Variants in GSX1 observed in about 807,000 individuals in gnomAD.
GSX1 encodes GS homeobox 1.
Under a neutral mutation model 17.7 loss-of-function variants are expected in GSX1, and 13 were observed. That is an observed-to-expected ratio of 0.74 (90% CI 0.48 to 1.17). GSX1 has a LOEUF of 1.17. Among genes scored for constraint, GSX1 ranks in the 50% most tolerant of loss-of-function variants. The pLI, the probability that GSX1 is intolerant of heterozygous loss-of-function variation, is 0.00. For synonymous variants in GSX1, 202 were observed against 176.2 expected (o/e 1.15, Z -1.16); for missense variants, 371 against 372.1 (o/e 1.00, Z 0.02).
chr13:27,793,509 G>T lies in GSX1; in HGVS notation c.413-57G>T. 2.0e-6 allele frequency: 3 copies of T among 1,533,674 alleles called. No individual in the cohort carries two copies. Among genetic ancestry groups the T allele is most frequent in the Non-Finnish European group, 2.6e-6 (3 of 1,142,060 alleles). ...GGATTCTGGCGACCGCCTACCAAGG[G>T]ATTGGGTCCACAGCACAGAGGTCTG... On this transcript the variant is annotated intron_variant, in intron 1 of 1. Coordinates refer to ENST00000302945, the MANE Select transcript of GSX1 (RefSeq NM_145657.3). This position sits in a 1 kb window ranked among gnomAD's most constrained non-coding sequence, Gnocchi z 6.2.
rs781634632 is a variant in GSX1, at chr13:27,792,750, G to T, written c.60G>T (p.Ala20=). ...LVLREAGEKK[A]PEGSPPPLFP... is the part of the protein sequence containing the mutation. ...TGCGCGAGGCGGGCGAGAAGAAGGC[G>T]CCCGAGGGCAGCCCGCCGCCGCTCT... is the stretch of plus-strand genomic sequence containing the variant. Residue 20 remains alanine, a synonymous_variant, in exon 1 of 2, where the codon GCG becomes GCT. Coordinates refer to ENST00000302945, the MANE Select transcript of GSX1 (RefSeq NM_145657.3). 7.4e-6 allele frequency: 11 copies of T among 1,484,050 alleles called. No individual in the cohort carries two copies. Among genetic ancestry groups the T allele is most frequent in the Non-Finnish European group, 8.9e-6 (10 of 1,125,882 alleles). 91.9% of individuals were successfully genotyped at this position (1,484,050 alleles called of 1,614,324 possible).
chr13:27,792,735 G>C lies in GSX1; in HGVS notation c.45G>C (p.Ala15=). The change falls in exon 1 of 2, where the codon GCG becomes GCC. Residue 15 remains alanine (A), a synonymous_variant. Coordinates refer to ENST00000302945, the MANE Select transcript of GSX1 (RefSeq NM_145657.3). ...FLVDSLVLRE[A]GEKKAPEGSP... is the part of the protein sequence containing the mutation. ...TGGACTCGCTAGTGCTGCGCGAGGC[G>C]GGCGAGAAGAAGGCGCCCGAGGGCA... The C allele has an allele frequency of 3.4e-6, 5 of 1,479,388 alleles. No individual in the cohort carries two copies. The highest frequency in any genetic ancestry group is 4.4e-6 in the Non-Finnish European group (5 of 1,124,092). The allele number at this position is 1,479,388 out of a possible 1,614,324, so 91.6% of individuals were successfully genotyped here.
Position 27,792,830 on chromosome 13 carries a change from G to A in GSX1, c.140G>A (p.Cys47Tyr). Residue 47 changes from cysteine to tyrosine, a missense_variant, in exon 1 of 2, where the codon TGC becomes TAC. This residue lies in a region of GSX1 where 212 missense variants were observed against 193.9 expected (regional missense o/e 1.09). Transcript: ENST00000302945. ...HALHGLSPGA[C>Y]HARKAGLLCV... ...CTGCACGGTCTCTCGCCTGGCGCCT[G>A]CCACGCGCGCAAGGCTGGGCTGCTG... is the stretch of plus-strand genomic sequence containing the variant. 1 of 1,507,926 alleles carries A rather than the reference G, an allele frequency of 6.6e-7. No homozygotes were observed. The highest frequency in any genetic ancestry group is 2.1e-5 in the Admixed American group (1 of 48,128). The allele number at this position is 1,507,926 out of a possible 1,614,324, so 93.4% of individuals were successfully genotyped here. A position where few individuals can be genotyped will look rare whatever the true frequency, so the allele number is the denominator to read the frequency against.
Position 27,792,592 on chromosome 13 carries a change from A to C in GSX1, c.-99A>C, listed in dbSNP as rs1957072462. The C allele has an allele frequency of 2.9e-6, 3 of 1,030,114 alleles. No homozygotes were observed. Among genetic ancestry groups the C allele is most frequent in the Non-Finnish European group, 3.9e-6 (3 of 775,236 alleles). The allele number at this position is 1,030,114 out of a possible 1,614,324, so 63.8% of individuals were successfully genotyped here. A position where few individuals can be genotyped will look rare whatever the true frequency, so the allele number is the denominator to read the frequency against. On this transcript the variant is annotated 5_prime_UTR_variant, in exon 1 of 2. Transcript: ENST00000302945. ...CGCGTTCAGCCTCCTGGGCAGAGGC[A>C]GCTGCGGGATACCGCGGCCAGGGAA...
rs1431405222 is a variant in GSX1 at position 27,793,029 on chromosome 13, T to C, written c.339T>C (p.Ala113=). 3 of 1,584,546 alleles carry C rather than the reference T, an allele frequency of 1.9e-6. No homozygotes were observed. Among genetic ancestry groups the C allele is most frequent in the Non-Finnish European group, 2.6e-6 (3 of 1,173,030 alleles). The part of the protein sequence containing the change: ...SPGVAHGPAA[A]AAAAALYQTS... ...GGGTCGCTCACGGCCCGGCCGCCGCTGCTGCTGCCGCCGCGCTCTACCAGA... is the reference window on the plus strand; with the variant it reads ...GGGTCGCTCACGGCCCGGCCGCCGCCGCTGCTGCCGCCGCGCTCTACCAGA... The change falls in exon 1 of 2, where the codon GCT becomes GCC. Residue 113 remains alanine, a synonymous_variant. Transcript: ENST00000302945. This position sits in a 1 kb window ranked among gnomAD's most constrained non-coding sequence, Gnocchi z 6.2.
Position 27,794,384 on chromosome 13 carries a change from T to C in GSX1, c.*436T>C, listed in dbSNP as rs1957087239. 6.2e-6 allele frequency: 1 copy of C among 161,846 alleles called. No homozygotes were observed. The allele number at this position is 161,846 out of a possible 1,614,324, so 10.0% of individuals were successfully genotyped here. A position where few individuals can be genotyped will look rare whatever the true frequency, so the allele number is the denominator to read the frequency against. On this transcript the variant is annotated 3_prime_UTR_variant, in exon 2 of 2. Coordinates refer to ENST00000302945, the MANE Select transcript of GSX1 (RefSeq NM_145657.3). ...TGCTCGTTCGCTTCTCTTTTTAAAA[T>C]GTCTTTTTGTCCCTCCCCACCTCTT...
Position 27,792,613 on chromosome 13 carries a change from G to A in GSX1, c.-78G>A. ...AGGCAGCTGCGGGATACCGCGGCCAGGGAAAGCGCGTGGAGAGCCGAAAGG... is the reference window on the plus strand; with the variant it reads ...AGGCAGCTGCGGGATACCGCGGCCAAGGAAAGCGCGTGGAGAGCCGAAAGG... On this transcript the variant is annotated 5_prime_UTR_variant, in exon 1 of 2. Coordinates refer to ENST00000302945, the MANE Select transcript of GSX1 (RefSeq NM_145657.3). The A allele has an allele frequency of 8.1e-7, 1 of 1,227,160 alleles. No individual in the cohort carries two copies. The highest frequency in any genetic ancestry group is 3.0e-4 in the Middle Eastern group (1 of 3,338). 76.0% of individuals were successfully genotyped at this position (1,227,160 alleles called of 1,614,324 possible).
Position 27,794,096 on chromosome 13 carries a change from C to A in GSX1, c.*148C>A. On this transcript the variant is annotated 3_prime_UTR_variant, in exon 2 of 2. Coordinates refer to ENST00000302945, the MANE Select transcript of GSX1 (RefSeq NM_145657.3). ...GCTTTGCAGAGGTCCCGGGCCTGGGCAGGGCTGAGAGCTTGGCAGAGACTG... is the reference window on the plus strand; with the variant it reads ...GCTTTGCAGAGGTCCCGGGCCTGGGAAGGGCTGAGAGCTTGGCAGAGACTG... 1.1e-6 allele frequency: 1 copy of A among 888,346 alleles called. No homozygotes were observed. Among genetic ancestry groups the A allele is most frequent in the Non-Finnish European group, 1.7e-6 (1 of 602,556 alleles). The allele number at this position is 888,346 out of a possible 1,614,324, so 55.0% of individuals were successfully genotyped here. A position where few individuals can be genotyped will look rare whatever the true frequency, so the allele number is the denominator to read the frequency against.
Position 27,793,947 on chromosome 13 carries a change from A to T in GSX1, c.794A>T (p.Ter265LeuextTer52), listed in dbSNP as rs896422812. Residue 265 changes from the stop codon to leucine, a stop_lost, in exon 2 of 2, where the codon TAG becomes TTG. Coordinates refer to ENST00000302945, the MANE Select transcript of GSX1 (RefSeq NM_145657.3). This position sits in a 1 kb window ranked among gnomAD's most constrained non-coding sequence, Gnocchi z 6.2. ...GACCGGGATCTTACGGTCACTCCCT[A>T]GGCGCGTGTCTCCCTAGGTCGCCCA... ...KDDRDLTVTP[*>L] 1.3e-6 allele frequency: 2 copies of T among 1,547,066 alleles called. No homozygotes were observed. The highest frequency in any genetic ancestry group is 1.7e-6 in the Non-Finnish European group (2 of 1,145,244).
chr13:27,792,897 G>GC lies in GSX1; in HGVS notation c.213dup (p.Gly72ArgfsTer57). The stretch of plus-strand genomic sequence containing the variant: ...GCGTCACCGCCTCGCAGCTGCATGG[G>GC]CCCCCCGGGCCGCCCGCGCTGCCTC... On this transcript the variant is annotated frameshift_variant, in exon 1 of 2. Coordinates refer to ENST00000302945, the MANE Select transcript of GSX1 (RefSeq NM_145657.3). LOFTEE classifies it high-confidence loss of function. The GC allele has an allele frequency of 1.3e-6, 2 of 1,524,990 alleles. No homozygotes were observed. The highest frequency in any genetic ancestry group is 2.0e-5 in the Admixed American group (1 of 50,180). 94.5% of individuals were successfully genotyped at this position (1,524,990 alleles called of 1,614,324 possible). A position where few individuals can be genotyped will look rare whatever the true frequency, so the allele number is the denominator to read the frequency against.
rs1212014781 is a variant in GSX1 at position 27,792,639 on chromosome 13, T to C, written c.-52T>C. 9.8e-6 allele frequency: 13 copies of C among 1,323,456 alleles called. No individual in the cohort carries two copies. Among genetic ancestry groups the C allele is most frequent in the Non-Finnish European group, 9.6e-6 (10 of 1,038,388 alleles). 82.0% of individuals were successfully genotyped at this position (1,323,456 alleles called of 1,614,324 possible). A position where few individuals can be genotyped will look rare whatever the true frequency, so the allele number is the denominator to read the frequency against. ...GGAAAGCGCGTGGAGAGCCGAAAGG[T>C]GCGGTGGGCGCAGAGGGCGGGCTGG... On this transcript the variant is annotated 5_prime_UTR_variant, in exon 1 of 2. Transcript: ENST00000302945.
Position 27,793,091 on chromosome 13 carries a change from G to A in GSX1, c.401G>A (p.Cys134Tyr), listed in dbSNP as rs761380927. The A allele has an allele frequency of 3.2e-6, 5 of 1,554,458 alleles. No homozygotes were observed. The highest frequency in any genetic ancestry group is 3.5e-6 in the Non-Finnish European group (4 of 1,156,718). The change falls in exon 1 of 2, where the codon TGC becomes TAC. Residue 134 changes from cysteine (C) to tyrosine (Y), a missense_variant. By Grantham distance (194) the Cys-to-Tyr change is radical. Coordinates refer to ENST00000302945, the MANE Select transcript of GSX1 (RefSeq NM_145657.3). The surrounding 1 kb of genome is among the most constrained non-coding windows in gnomAD (Gnocchi z 6.2). ...CTGCCTGACCCCAGGCAGTTCCACTGCATCTCTGTGGGTAAGCGGGGCCGC... is the reference window on the plus strand; with the variant it reads ...CTGCCTGACCCCAGGCAGTTCCACTACATCTCTGTGGGTAAGCGGGGCCGC... Reference protein sequence around the residue: ...YPLPDPRQFHCISVDSSSNQL... With the variant: ...YPLPDPRQFHYISVDSSSNQL...
Position 27,793,411 on chromosome 13 carries a change from A to G in GSX1, c.413-155A>G, listed in dbSNP as rs1012361535. On this transcript the variant is annotated intron_variant, in intron 1 of 1. Coordinates refer to ENST00000302945, the MANE Select transcript of GSX1 (RefSeq NM_145657.3). The surrounding 1 kb of genome is among the most constrained non-coding windows in gnomAD (Gnocchi z 6.2). ...GGGAGAATCAGGATCTCGGAGCTGG[A>G]CAAGGAGCGCTCACTGTAGCTCTGC... is the stretch of plus-strand genomic sequence containing the variant. Among the ~76,000 whole-genome samples the G allele has an allele frequency of 6.6e-6, 1 of 152,174 alleles. No homozygotes were observed. Among genetic ancestry groups the G allele is most frequent in the African/African-American group, 2.4e-5 (1 of 41,438 alleles).
Position 27,793,515 on chromosome 13 carries a change from G to T in GSX1, c.413-51G>T. 1.3e-6 allele frequency: 2 copies of T among 1,548,470 alleles called. No individual in the cohort carries two copies. The highest frequency in any genetic ancestry group is 2.5e-5 in the South Asian group (2 of 81,584). ...TGGCGACCGCCTACCAAGGGATTGG[G>T]TCCACAGCACAGAGGTCTGATCGCT... is the stretch of plus-strand genomic sequence containing the variant. On this transcript the variant is annotated intron_variant, in intron 1 of 1. Transcript: ENST00000302945. The surrounding 1 kb of genome is among the most constrained non-coding windows in gnomAD (Gnocchi z 6.2).
In GSX1 at chr13:27,793,044, G is replaced by T. The variant is rs1300983869; in HGVS notation, c.354G>T (p.Ala118=). ...HGPAAAAAAA[A]LYQTSYPLPD... ...CGGCCGCCGCTGCTGCTGCCGCCGC[G>T]CTCTACCAGACCTCCTACCCGCTGC... Residue 118 remains alanine (A), a synonymous_variant, in exon 1 of 2, where the codon GCG becomes GCT. Coordinates refer to ENST00000302945, the MANE Select transcript of GSX1 (RefSeq NM_145657.3). The surrounding 1 kb of genome is among the most constrained non-coding windows in gnomAD (Gnocchi z 6.2). The T allele has an allele frequency of 6.3e-7, 1 of 1,587,754 alleles. No homozygotes were observed. The highest frequency in any genetic ancestry group is 1.1e-5 in the South Asian group (1 of 89,672).
In GSX1 at chr13:27,793,568, A is replaced by C. The variant is rs150243944; in HGVS notation, c.415A>C (p.Ser139Arg). 2 of 1,609,738 alleles carry C rather than the reference A, an allele frequency of 1.2e-6. No homozygotes were observed. The highest frequency in any genetic ancestry group is 2.7e-5 in the African/African-American group (2 of 74,902). The change falls in exon 2 of 2, where the codon AGC (serine) becomes CGC (arginine). Residue 139 changes from serine to arginine, a missense_variant and splice_region_variant. This residue lies in a region of GSX1 where 67 missense variants were observed against 108.1 expected (regional missense o/e 0.62). Transcript: ENST00000302945. The surrounding 1 kb of genome is among the most constrained non-coding windows in gnomAD (Gnocchi z 6.2). ...PRQFHCISVD[S>R]SSNQLPSSKR... ...CTTCTCTGCTCTGCCACCTCCAGACAGCAGCTCTAACCAGCTGCCCAGCAG... is the reference window on the plus strand; with the variant it reads ...CTTCTCTGCTCTGCCACCTCCAGACCGCAGCTCTAACCAGCTGCCCAGCAG...
chr13:27,792,544 T>C lies in GSX1; in HGVS notation c.-147T>C. On this transcript the variant is annotated 5_prime_UTR_variant, in exon 1 of 2. Coordinates refer to ENST00000302945, the MANE Select transcript of GSX1 (RefSeq NM_145657.3). ...CGGTGCCCACGGCAGCAGAGGCTAC[T>C]GTTTCAGCCTAGGTCTCAGCCGCGC... 7.6e-6 allele frequency: 5 copies of C among 655,854 alleles called. No individual in the cohort carries two copies. The highest frequency in any genetic ancestry group is 1.1e-5 in the Non-Finnish European group (5 of 438,972). The allele number at this position is 655,854 out of a possible 1,614,324, so 40.6% of individuals were successfully genotyped here.
Position 27,794,012 on chromosome 13 carries a change from C to T in GSX1, c.*64C>T. On this transcript the variant is annotated 3_prime_UTR_variant, in exon 2 of 2. Coordinates refer to ENST00000302945, the MANE Select transcript of GSX1 (RefSeq NM_145657.3). ...TGCGCCTCGGAGACTAGTCCTGGGA[C>T]TCAGCGCTGATTCCCAGGCACCCGC... 1.3e-6 allele frequency: 2 copies of T among 1,481,542 alleles called. No homozygotes were observed. Among genetic ancestry groups the T allele is most frequent in the Non-Finnish European group, 1.8e-6 (2 of 1,109,680 alleles). The allele number at this position is 1,481,542 out of a possible 1,614,324, so 91.8% of individuals were successfully genotyped here. A position where few individuals can be genotyped will look rare whatever the true frequency, so the allele number is the denominator to read the frequency against.
Position 27,792,785 on chromosome 13 carries a change from C to T in GSX1, c.95C>T (p.Ala32Val). The change falls in exon 1 of 2, where the codon GCT becomes GTT. Residue 32 changes from alanine to valine, a missense_variant. Physicochemically the swap from Ala to Val is moderately conservative, Grantham distance 64 (BLOSUM62 0). Around this residue, in one of 3 missense-constraint regions of GSX1, gnomAD observed 212 missense variants for 193.9 expected, o/e 1.09. Transcript: ENST00000302945. ...EGSPPPLFPYAVPPPHALHGL... is the reference protein window; with the variant it reads ...EGSPPPLFPYVVPPPHALHGL... ...AGCCCGCCGCCGCTCTTCCCCTACG[C>T]TGTGCCCCCGCCGCACGCGCTGCAC... 6.7e-7 allele frequency: 1 copy of T among 1,500,144 alleles called. No individual in the cohort carries two copies. Among genetic ancestry groups the T allele is most frequent in the Non-Finnish European group, 8.8e-7 (1 of 1,132,874 alleles). The allele number at this position is 1,500,144 out of a possible 1,614,324, so 92.9% of individuals were successfully genotyped here.
Sources: gnomAD v4.1 joint callset for allele counts (sites outside exome capture counted in the v4.1 genomes callset) on GRCh38, gnomAD v4.1.1 for gene constraint, gnomAD v4.1.1 regional missense constraint, Gnocchi (gnomAD v3.1) non-coding constraint, MANE v1.5 for transcripts, NCBI Gene and HGNC (gene_info 2026-07-23, HGNC 2026-07-21) for gene names.